Variants in MAGI2 observed in about 807,000 individuals in gnomAD.
MAGI2 encodes membrane associated guanylate kinase, WW and PDZ domain containing 2, also known as membrane-associated guanylate kinase, WW and PDZ domain-containing protein 2.
In MAGI2, 35 loss-of-function variants were observed where a neutral mutation model predicts 133.3. That is an observed-to-expected ratio of 0.26 (90% CI 0.20 to 0.35). MAGI2 has a LOEUF of 0.35. MAGI2 is among the 10% of genes least tolerant of loss of function. The pLI is 1.00. For synonymous variants in MAGI2, 729 were observed against 710.6 expected (o/e 1.03, Z -0.41); for missense variants, 1,636 against 1,863.4 (o/e 0.88, Z 2.25).
intron 2 of MAGI2, among the ~76,000 whole-genome samples, chr7:78,687,969 TAAAAAAAA>T (rs72030909): frequency 1.9e-4 from 13 of 67,246 alleles, no homozygotes; most frequent in East Asian, 1.9e-3. Context: ...GTCCTTGCCT[TAAAAAAAA>T]AAAAAAAAAA....
At chr7:79,140,960 G>A (rs1562934263) in intron 1 of MAGI2, among the ~76,000 whole-genome samples, 1 of 152,130 alleles carries the variant, frequency 6.6e-6, no homozygotes, top group Non-Finnish European at 1.5e-5. Flanking sequence ...CAAGTGTGTA[G>A]TGCCTTAATC....
chr7:78,465,031 G>T (rs947471800), intron 6 of MAGI2, among the ~76,000 whole-genome samples: 6 of 152,004 alleles, frequency 3.9e-5, no homozygotes, highest in African/African-American at 1.5e-4. Context: ...AATTGAAAAA[G>T]TTACCTATTA....
chr7:79,389,766 G>A (rs965464214), intron 1 of MAGI2, among the ~76,000 whole-genome samples: 1 of 151,546 alleles, frequency 6.6e-6, no homozygotes, highest in African/African-American at 2.4e-5. Context: ...GGGGAGAAAT[G>A]GTTTACTGTC....
rs75969284 is a variant in MAGI2, at chr7:78,721,046, C to T, written c.419-93807G>A. On this transcript the variant is annotated intron_variant, in intron 2 of 21. Transcript: ENST00000354212. ...ACTCTGAAGAAAGAGTTGGACCTAA[C>T]GTTTAAAAAGCTAACATCTAACATT... Among the ~76,000 whole-genome samples, 1,458 of 152,042 alleles carry T rather than the reference C, an allele frequency of 9.6e-3. 27 individuals carry two copies. The highest frequency in any genetic ancestry group is 0.033 in the African/African-American group (1,388 of 41,526).
chr7:79,418,800 A>G (rs1846721029), intron 1 of MAGI2, among the ~76,000 whole-genome samples: 1 of 150,792 alleles, frequency 6.6e-6, no homozygotes, highest in Non-Finnish European at 1.5e-5. Flanking sequence ...TAGCCCCAAC[A>G]ATGAAAAAAA....
chr7:79,346,429 T>C (rs1327206628), intron 1 of MAGI2, among the ~76,000 whole-genome samples: 1 of 151,996 alleles, frequency 6.6e-6, no homozygotes, highest in African/African-American at 2.4e-5. Flanking sequence ...TGTGGTGGGA[T>C]AAATTTCCCT....
intron 2 of MAGI2, among the ~76,000 whole-genome samples, chr7:78,747,936 C>G (rs961798861): frequency 2.6e-5 from 4 of 152,154 alleles, no homozygotes; most frequent in Non-Finnish European, 4.4e-5. Context: ...TATGGCTACT[C>G]CACTGACATA....
At chr7:79,131,113 A>T (rs1238004846) in intron 1 of MAGI2, among the ~76,000 whole-genome samples, 1 of 152,188 alleles carries the variant, frequency 6.6e-6, no homozygotes, top group Non-Finnish European at 1.5e-5. Flanking sequence ...AGCAAAGGGA[A>T]CACAAAGTCT....
chr7:78,512,806 G>A (rs1410215940), intron 4 of MAGI2, among the ~76,000 whole-genome samples: 1 of 152,156 alleles, frequency 6.6e-6, no homozygotes, highest in African/African-American at 2.4e-5. Context: ...GTTACAAATT[G>A]TTTGAAGTAC....
chr7:78,746,938 T>C (rs1822980441), intron 2 of MAGI2, among the ~76,000 whole-genome samples: 1 of 152,222 alleles, frequency 6.6e-6, no homozygotes, highest in South Asian at 2.1e-4. Context: ...ACTATTATTG[T>C]GTTTTATTTT....
intron 1 of MAGI2, among the ~76,000 whole-genome samples, chr7:79,259,762 C>T (rs756845918): frequency 7.2e-5 from 11 of 152,080 alleles, no homozygotes; most frequent in East Asian, 1.9e-4. Flanking sequence ...TGCTGAAAAC[C>T]GAAAAAGTAC....
At chr7:78,486,617 C>G in intron 6 of MAGI2, 1 of 297,180 alleles carries the variant, frequency 3.4e-6, no homozygotes, top group Admixed American at 3.5e-5. Flanking sequence ...GTTGTGGGTG[C>G]AGTGATTGAA....
chr7:78,839,240 C>T (rs1037741265), intron 2 of MAGI2, among the ~76,000 whole-genome samples: 2 of 152,014 alleles, frequency 1.3e-5, no homozygotes, highest in Non-Finnish European at 2.9e-5. Context: ...AATTTAAATG[C>T]AAATGATTAA....
chr7:78,031,928 G>T (rs1442084018), intron 21 of MAGI2, among the ~76,000 whole-genome samples: 3 of 150,454 alleles, frequency 2.0e-5, no homozygotes, highest in African/African-American at 7.4e-5. Context: ...CATAAGATTA[G>T]TTCACTTCTA....
intron 3 of MAGI2, among the ~76,000 whole-genome samples, chr7:78,586,991 G>C (rs1293275228): frequency 6.6e-6 from 1 of 152,088 alleles, no homozygotes; most frequent in African/African-American, 2.4e-5. Context: ...TGAACATTTG[G>C]GTTGCTTCCA....
intron 2 of MAGI2, among the ~76,000 whole-genome samples, chr7:78,966,895 A>G (rs1488575160): frequency 6.8e-6 from 1 of 146,444 alleles, no homozygotes; most frequent in African/African-American, 2.5e-5. Flanking sequence ...GATGTTGAAC[A>G]TCTTTTCAGA....
intron 1 of MAGI2, among the ~76,000 whole-genome samples, chr7:79,286,245 A>G (rs1446758041): frequency 6.6e-6 from 1 of 152,060 alleles, no homozygotes; most frequent in Admixed American, 6.6e-5. Context: ...AGTAATAAAT[A>G]TAAAGTCTTT....
At chr7:78,699,825 G>T (rs958546386) in intron 2 of MAGI2, among the ~76,000 whole-genome samples, 1 of 151,982 alleles carries the variant, frequency 6.6e-6, no homozygotes, top group Non-Finnish European at 1.5e-5. Flanking sequence ...CATAAAAAGT[G>T]AGTACCAAGA....
chr7:78,874,565 T>C (rs919779374), intron 2 of MAGI2, among the ~76,000 whole-genome samples: 4 of 152,160 alleles, frequency 2.6e-5, no homozygotes, highest in Admixed American at 2.0e-4. Flanking sequence ...ATCTTATTCA[T>C]ATGTGAAATC....
Sources: allele counts gnomAD v4.1 joint callset (sites outside exome capture counted in the v4.1 genomes callset), GRCh38; gene constraint gnomAD v4.1.1; transcripts MANE v1.5; gene names NCBI Gene and HGNC (gene_info 2026-07-23, HGNC 2026-07-21).